The following BRWD1 variants were observed in gnomAD, a reference collection of about 807,000 sequenced individuals.
BRWD1 encodes the protein bromodomain and WD repeat domain containing 1, also known as bromodomain and WD repeat-containing protein 1.
Under a neutral mutation model 251.2 loss-of-function variants are expected in BRWD1, and 82 were observed. The observed-to-expected ratio is 0.33, with a 90% CI of 0.27 to 0.39. The LOEUF is 0.39. Among genes scored for constraint, BRWD1 ranks in the 10% least tolerant of loss-of-function variants. The pLI is 1.00. For missense variants in BRWD1, 2,233 were observed against 2,711.6 expected (o/e 0.82, Z 3.92); for synonymous variants, 918 against 902.8 (o/e 1.02, Z -0.30).
Position 39,293,880 on chromosome 21 carries a change from C to T in BRWD1, c.762G>A (p.Val254=). ...CTGGGGCACAAGTTCTCAAGCACCA[C>T]ACTCTAATAATTTTATCACAGCTCC... is the stretch of plus-strand genomic sequence containing the variant. ...AAGSCDKIIR[V]WCLRTCAPVA... The change falls in exon 8 of 41, where the codon GTG becomes GTA. Residue 254 remains valine (V), a synonymous_variant. Transcript: ENST00000342449. The T allele has an allele frequency of 6.2e-7, 1 of 1,614,166 alleles. No homozygotes were observed.
chr21:39,309,019 C>A (rs1013226948), intron 4 of BRWD1, among the ~76,000 whole-genome samples: 1 of 151,948 alleles, frequency 6.6e-6, no homozygotes, highest in South Asian at 2.1e-4. Context: ...ACTAAAACTA[C>A]GAAAATTAGC....
At chr21:39,241,701 T>C (rs2034010418) in intron 21 of BRWD1, among the ~76,000 whole-genome samples, 1 of 152,144 alleles carries the variant, frequency 6.6e-6, no homozygotes, top group African/African-American at 2.4e-5. Flanking sequence ...TGCTTTACTT[T>C]ATTGTGCTTC....
chr21:39,212,965 C>T (rs1008703099), intron 33 of BRWD1, among the ~76,000 whole-genome samples: 4 of 151,912 alleles, frequency 2.6e-5, no homozygotes, highest in Non-Finnish European at 2.9e-5. Context: ...TATAAAAAGA[C>T]GCTTCATGCA....
chr21:39,274,133 C>T lies in BRWD1; in HGVS notation c.1244+241G>A, dbSNP rs182952534. Among the ~76,000 whole-genome samples, 14 of 152,220 alleles carry T rather than the reference C, an allele frequency of 9.2e-5. No homozygotes were observed. In the East Asian group the frequency reaches 2.7e-3, roughly 29 times the overall value. On this transcript the variant is annotated intron_variant, in intron 13 of 40. Coordinates refer to ENST00000342449, the MANE Select transcript of BRWD1 (RefSeq NM_033656.4). Reference sequence around the variant, plus strand: ...CTAAGAAGGAGGTCAATGCTTTGAACCATAGAAAAAGTACATGTTATTCTT... The same window carrying T: ...CTAAGAAGGAGGTCAATGCTTTGAATCATAGAAAAAGTACATGTTATTCTT...
intron 7 of BRWD1, 147 bp from the exon 8 acceptor site, chr21:39,294,179 G>C: frequency 1.5e-6 from 1 of 684,686 alleles, no homozygotes; most frequent in Non-Finnish European, 2.4e-6. Flanking sequence ...TATGACTATG[G>C]TCAGAACACC....
chr21:39,306,864 T>C (rs2146793368), intron 4 of BRWD1, among the ~76,000 whole-genome samples: 1 of 152,320 alleles, frequency 6.6e-6, no homozygotes, highest in Non-Finnish European at 1.5e-5. Context: ...ATTTGTTTAT[T>C]TATTTTGAGA....
intron 21 of BRWD1, among the ~76,000 whole-genome samples, chr21:39,239,151 A>C (rs1374511481): frequency 6.6e-6 from 1 of 152,050 alleles, no homozygotes; most frequent in African/African-American, 2.4e-5. Flanking sequence ...TCATTCTTTT[A>C]ATAGTGTCTT....
In BRWD1 at chr21:39,215,238, T is replaced by G; in HGVS notation, c.3784A>C (p.Lys1262Gln). The G allele has an allele frequency of 6.2e-7, 1 of 1,610,444 alleles. No individual in the cohort carries two copies. Among genetic ancestry groups the G allele is most frequent in the South Asian group, 1.1e-5 (1 of 90,990 alleles). The change falls in exon 32 of 41, where the codon AAG (lysine) becomes CAG (glutamine). Residue 1262 changes from lysine to glutamine, a missense_variant and splice_region_variant. Lys to Gln is a moderately conservative substitution (Grantham distance 53). Around this residue, in one of 12 missense-constraint regions of BRWD1, gnomAD observed 167 missense variants for 183.2 expected, o/e 0.91. Transcript: ENST00000342449. Reference protein sequence around the residue: ...KITDQLLKFIKNQHCTNISEL... With the variant: ...KITDQLLKFIQNQHCTNISEL... ...CACAACATCTATGAAATTACTTACT[T>G]GATAAATTTTAAAAGTTGGTCAGTT... is the stretch of plus-strand genomic sequence containing the variant.
upstream of BRWD1, among the ~76,000 whole-genome samples, chr21:39,316,888 A>G (rs1487795336): frequency 6.6e-6 from 1 of 152,176 alleles, no homozygotes; most frequent in Non-Finnish European, 1.5e-5. Flanking sequence ...GCAGTGACCC[A>G]TGATCACAGC....
At position 39,193,703 on chromosome 21, in the gene BRWD1, T is replaced by C. The variant is rs754243865; in HGVS notation, c.*2556A>G. On this transcript the variant is annotated 3_prime_UTR_variant, in exon 41 of 41. Coordinates refer to ENST00000342449, the MANE Select transcript of BRWD1 (RefSeq NM_033656.4). ...CAGTTCACATTCAAATTATAACCCTTTATCTTTTTCTCAAGAATACTACAA... is the reference window on the plus strand; with the variant it reads ...CAGTTCACATTCAAATTATAACCCTCTATCTTTTTCTCAAGAATACTACAA... 3.0e-4 allele frequency: 297 copies of C among 985,370 alleles called. No individual in the cohort carries two copies. Among genetic ancestry groups the C allele is most frequent in the Non-Finnish European group, 3.4e-4 (279 of 829,686 alleles). 61.0% of individuals were successfully genotyped at this position (985,370 alleles called of 1,614,324 possible). A position where few individuals can be genotyped will look rare whatever the true frequency, so the allele number is the denominator to read the frequency against.
chr21:39,256,256 T>A (rs2034559196), intron 18 of BRWD1, among the ~76,000 whole-genome samples: 1 of 152,220 alleles, frequency 6.6e-6, no homozygotes, highest in Non-Finnish European at 1.5e-5. Flanking sequence ...TATGCATTCC[T>A]AAAAACTGTG....
rs2031793503 is a variant in BRWD1, at chr21:39,196,038, C to T, written c.*221G>A. Reference sequence around the variant, plus strand: ...TCAAATACTGTCAAAATAGATCTGCCCCCAAAATGAAGCATATTTTGGCAC... The same window carrying T: ...TCAAATACTGTCAAAATAGATCTGCTCCCAAAATGAAGCATATTTTGGCAC... On this transcript the variant is annotated 3_prime_UTR_variant, in exon 41 of 41. Transcript: ENST00000342449. The T allele has an allele frequency of 1.3e-5, 17 of 1,263,060 alleles. No individual in the cohort carries two copies. The highest frequency in any genetic ancestry group is 1.7e-5 in the Non-Finnish European group (17 of 1,004,846). The allele number at this position is 1,263,060 out of a possible 1,614,324, so 78.2% of individuals were successfully genotyped here. A position where few individuals can be genotyped will look rare whatever the true frequency, so the allele number is the denominator to read the frequency against.
At position 39,206,168 on chromosome 21, in the gene BRWD1, C is replaced by T. The variant is rs1275787768; in HGVS notation, c.4304G>A (p.Ser1435Asn). 6.2e-7 allele frequency: 1 copy of T among 1,613,728 alleles called. No homozygotes were observed. The change falls in exon 37 of 41, where the codon AGC becomes AAC. Residue 1435 changes from serine to asparagine, a missense_variant. Around this residue, in one of 12 missense-constraint regions of BRWD1, gnomAD observed 928 missense variants for 970.0 expected, o/e 0.96. Coordinates refer to ENST00000342449, the MANE Select transcript of BRWD1 (RefSeq NM_033656.4). ...GQKFNEKLRR[S>N]QRFKQRQNCK... ...ATTTTGCCGTTGCTTGAACCTCTGG[C>T]TTCTTCGAAGTTTTTCATTGAATTT... is the stretch of plus-strand genomic sequence containing the variant.
At position 39,235,412 on chromosome 21, in the gene BRWD1, TG is replaced by T. The variant is rs774566839; in HGVS notation, c.2766+1182del. On this transcript the variant is annotated intron_variant, in intron 23 of 40. Transcript: ENST00000342449. ...GGTCCTTGCTGTGGCTTCTCTTCTG[TG>T]TAAGTATGTACGTCTTTCTCAGTAT... is the stretch of plus-strand genomic sequence containing the variant. 1.4e-3 allele frequency: 218 copies of T among 153,476 alleles called. 1 individual carries two copies. Among genetic ancestry groups the T allele is most frequent in the Middle Eastern group, 6.4e-3 (2 of 312 alleles). 9.5% of individuals were successfully genotyped at this position (153,476 alleles called of 1,614,324 possible). A position where few individuals can be genotyped will look rare whatever the true frequency, so the allele number is the denominator to read the frequency against.
chr21:39,314,700 T>G, upstream of BRWD1: 1 of 257,876 alleles, frequency 3.9e-6, no homozygotes, highest in South Asian at 3.8e-5. Context: ...GAATGCGCGT[T>G]AACAATTCTG....
rs1410912929 is a variant in BRWD1 at position 39,191,281 on chromosome 21, G to A, written c.*4978C>T. The stretch of plus-strand genomic sequence containing the variant: ...CAAGCTCATATGTAAAACTCACAGC[G>A]CTCGCACCCCTATATTCTGCCTGCA... On this transcript the variant is annotated 3_prime_UTR_variant, in exon 41 of 41. Coordinates refer to ENST00000342449, the MANE Select transcript of BRWD1 (RefSeq NM_033656.4). The A allele has an allele frequency of 5.1e-6, 5 of 985,104 alleles. No individual in the cohort carries two copies. Among genetic ancestry groups the A allele is most frequent in the Non-Finnish European group, 6.0e-6 (5 of 829,898 alleles). The allele number at this position is 985,104 out of a possible 1,614,324, so 61.0% of individuals were successfully genotyped here. A position where few individuals can be genotyped will look rare whatever the true frequency, so the allele number is the denominator to read the frequency against.
At position 39,196,603 on chromosome 21, in the gene BRWD1, T is replaced by A; in HGVS notation, c.6466A>T (p.Lys2156Ter). The A allele has an allele frequency of 6.2e-7, 1 of 1,613,522 alleles. No homozygotes were observed. Among genetic ancestry groups the A allele is most frequent in the Non-Finnish European group, 8.5e-7 (1 of 1,179,784 alleles). Residue 2156 changes from lysine to a stop codon, truncating the protein, a stop_gained, in exon 41 of 41, where the codon AAA becomes TAA. Coordinates refer to ENST00000342449, the MANE Select transcript of BRWD1 (RefSeq NM_033656.4). LOFTEE classifies it high-confidence loss of function. ...GTTACAGATCCCAAATCTGATGATT[T>A]GGAACTAGTATCAGGTCTAAACTTT... ...NSKFRPDTSS[K>*]SSDLGSVTES...
chr21:39,264,728 C>T (rs1345697617), intron 16 of BRWD1, 43 bp from the exon 17 acceptor site: 3 of 1,515,730 alleles, frequency 2.0e-6, no homozygotes, highest in East Asian at 2.4e-5. Context: ...AAGGTTCACA[C>T]ATTTTAAAGG....
chr21:39,296,403 T>C (rs778424250), intron 5 of BRWD1, 40 bp from the exon 6 acceptor site: 2 of 1,511,426 alleles, frequency 1.3e-6, no homozygotes, highest in African/African-American at 1.4e-5. Flanking sequence ...ATCTTGAAAG[T>C]TAACCCCAAG....
Sources: gnomAD v4.1 joint callset for allele counts (sites outside exome capture counted in the v4.1 genomes callset) on GRCh38, gnomAD v4.1.1 for gene constraint, gnomAD v4.1.1 regional missense constraint, MANE v1.5 for transcripts, NCBI Gene and HGNC (gene_info 2026-07-23, HGNC 2026-07-21) for gene names.